RPS6KC1: variants seen among roughly 807,000 people sequenced by gnomAD.
RPS6KC1 encodes ribosomal protein S6 kinase C1.
Under a neutral mutation model 103.8 loss-of-function variants are expected in RPS6KC1, and 54 were observed. That is an observed-to-expected ratio of 0.52 (90% CI 0.42 to 0.65). The LOEUF is 0.65. Ranked by LOEUF, RPS6KC1 falls within the 30% of genes least tolerant of loss-of-function variation. RPS6KC1 has a pLI of 0.00. For synonymous variants in RPS6KC1, 439 were observed against 438.7 expected (o/e 1.00, Z -0.01); for missense variants, 1,151 against 1,253.8 (o/e 0.92, Z 1.24).
At chr1:213,404,470 T>C in the RPS6KC1 span, among the ~76,000 whole-genome samples, 1 of 152,220 alleles carries the variant, frequency 6.6e-6, no homozygotes. Context: ...TTTTCATTCT[T>C]ACATTCCTCC....
At chr1:213,681,591 G>T in the RPS6KC1 span, among the ~76,000 whole-genome samples, 1 of 152,130 alleles carries the variant, frequency 6.6e-6, no homozygotes, top group East Asian at 1.9e-4. Context: ...GAGCCTGGGA[G>T]TTCAAGACCA....
chr1:213,558,163 C>T, the RPS6KC1 span, among the ~76,000 whole-genome samples: 1 of 152,188 alleles, frequency 6.6e-6, no homozygotes, highest in African/African-American at 2.4e-5. Flanking sequence ...TTTGCATCAG[C>T]TACGTAAGGG....
chr1:213,240,478 T>A, intron 10 of RPS6KC1, among the ~76,000 whole-genome samples: 1 of 149,982 alleles, frequency 6.7e-6, no homozygotes, highest in East Asian at 1.9e-4. Context: ...GGTTGTCACT[T>A]AAAAAAAAAA....
intron 1 of RPS6KC1, among the ~76,000 whole-genome samples, chr1:213,057,230 C>A (rs2077405951): frequency 6.6e-6 from 1 of 152,096 alleles, no homozygotes; most frequent in African/African-American, 2.4e-5. Flanking sequence ...CGTGAGCCAC[C>A]ATGCCCGGCT....
rs2094827010 is a variant in RPS6KC1 at position 213,262,755 on chromosome 1, C to T, written c.3029C>T (p.Thr1010Ile). Residue 1010 changes from threonine to isoleucine, a missense_variant, in exon 14 of 15, where the codon ACT becomes ATT. Thr to Ile is a moderately conservative substitution (Grantham distance 89). This residue lies in a region of RPS6KC1 where 189 missense variants were observed against 228.8 expected (regional missense o/e 0.83). Coordinates refer to ENST00000366960, the MANE Select transcript of RPS6KC1 (RefSeq NM_012424.6). The part of the protein sequence containing the change: ...LVECHPAGIN[T>I]HTTLNMPECV... The stretch of plus-strand genomic sequence containing the variant: ...GAATGCCATCCAGCAGGAATAAATA[C>T]TCACACTACTTTGAACATGCCAGAA... 1 of 1,612,828 alleles carries T rather than the reference C, an allele frequency of 6.2e-7. No individual in the cohort carries two copies. Among genetic ancestry groups the T allele is most frequent in the African/African-American group, 1.3e-5 (1 of 74,872 alleles).
chr1:213,724,292 C>A, the RPS6KC1 span, among the ~76,000 whole-genome samples: 4 of 152,176 alleles, frequency 2.6e-5, no homozygotes, highest in Non-Finnish European at 5.9e-5. Context: ...GTTGGCCAGG[C>A]TGGTCTCAAA....
chr1:213,636,897 A>C, the RPS6KC1 span, among the ~76,000 whole-genome samples: 17 of 152,222 alleles, frequency 1.1e-4, no homozygotes, highest in African/African-American at 4.1e-4. Flanking sequence ...CAGAATCTAC[A>C]AAGAACTTAA....
At chr1:213,117,241 T>A in intron 4 of RPS6KC1, 76 bp from the exon 5 acceptor site, 3 of 787,124 alleles carry the variant, frequency 3.8e-6, no homozygotes, top group Non-Finnish European at 2.1e-6. Context: ...ACATACTTAA[T>A]TGGGATAACT....
chr1:213,785,403 A>G, the RPS6KC1 span, among the ~76,000 whole-genome samples: 1 of 151,852 alleles, frequency 6.6e-6, no homozygotes, highest in African/African-American at 2.4e-5. Context: ...TGGGACTGTG[A>G]CAGCTGCTCT....
At chr1:213,819,568 G>A in the RPS6KC1 span, 1 of 152,232 alleles carries the variant, frequency 6.6e-6, no homozygotes, top group Non-Finnish European at 1.5e-5. Context: ...TCAGTGAGTT[G>A]ACTTAATCTT....
chr1:213,619,474 A>G, the RPS6KC1 span, among the ~76,000 whole-genome samples: 4 of 152,356 alleles, frequency 2.6e-5, no homozygotes, highest in Admixed American at 2.6e-4. Flanking sequence ...ACTGGGGGCA[A>G]GAGGAGACCT....
downstream of RPS6KC1, among the ~76,000 whole-genome samples, chr1:213,278,358 T>C (rs2095116246): frequency 6.6e-6 from 1 of 152,080 alleles, no homozygotes; most frequent in Non-Finnish European, 1.5e-5. Flanking sequence ...AGTGTGTTGT[T>C]GCCCTTATTA....
chr1:213,818,814 T>G, the RPS6KC1 span: 1 of 152,194 alleles, frequency 6.6e-6, no homozygotes, highest in Non-Finnish European at 1.5e-5. Context: ...ATAGAAAGCA[T>G]GCCTCCCTGG....
the RPS6KC1 span, among the ~76,000 whole-genome samples, chr1:213,329,963 G>C: frequency 6.6e-6 from 1 of 152,176 alleles, no homozygotes; most frequent in Non-Finnish European, 1.5e-5. Flanking sequence ...AGTGAGAAGG[G>C]TTCAAGAGGG....
At chr1:213,652,750 A>T in the RPS6KC1 span, among the ~76,000 whole-genome samples, 2 of 152,142 alleles carry the variant, frequency 1.3e-5, no homozygotes, top group Non-Finnish European at 2.9e-5. Flanking sequence ...GCCTGTCTGT[A>T]CCAGATGTGC....
At chr1:213,234,002 T>TTC (rs997590754) in intron 10 of RPS6KC1, among the ~76,000 whole-genome samples, 48 of 150,454 alleles carry the variant, frequency 3.2e-4, no homozygotes, top group Admixed American at 3.1e-3. Flanking sequence ...GACAAGAAAA[T>TTC]TCTCTCTCTC....
the RPS6KC1 span, among the ~76,000 whole-genome samples, chr1:213,566,454 T>TGGA: frequency 3.6e-5 from 1 of 27,748 alleles, no homozygotes; most frequent in Non-Finnish European, 6.6e-5. Flanking sequence ...TTTTTTTTTT[T>TGGA]TTTTTTTTTT....
chr1:213,480,994 A>AATTTTAT, the RPS6KC1 span, among the ~76,000 whole-genome samples: 1 of 152,136 alleles, frequency 6.6e-6, no homozygotes, highest in Non-Finnish European at 1.5e-5. Flanking sequence ...ACAGTGACAA[A>AATTTTAT]ATTTTATATA....
chr1:213,806,050 C>T, the RPS6KC1 span, among the ~76,000 whole-genome samples: 13 of 152,142 alleles, frequency 8.5e-5, no homozygotes, highest in Admixed American at 2.0e-4. Context: ...TTCAGTCAAC[C>T]GGCCAGGCAT....
Sources: allele counts gnomAD v4.1 joint callset (sites outside exome capture counted in the v4.1 genomes callset), GRCh38; gene constraint gnomAD v4.1.1; regional missense constraint gnomAD v4.1.1; transcripts MANE v1.5; gene names NCBI Gene and HGNC (gene_info 2026-07-23, HGNC 2026-07-21).